SLC1A1: variants seen among roughly 807,000 people sequenced by gnomAD.
SLC1A1 encodes the protein excitatory amino acid transporter 3.
SLC1A1 carries 43 observed loss-of-function variants against 53.3 expected under a neutral mutation model. That is an observed-to-expected ratio of 0.81 (90% CI 0.63 to 1.04). The LOEUF is 1.04. SLC1A1 is among the 50% of genes least tolerant of loss of function. The probability of loss-of-function intolerance (pLI) is 0.00; values close to 1 mark genes in which losing one functional copy is unlikely to be tolerated. For synonymous variants in SLC1A1, 307 were observed against 243.2 expected (o/e 1.26, Z -2.44); for missense variants, 748 against 664.9 (o/e 1.12, Z -1.37).
rs10974619 is a variant in SLC1A1, at chr9:4,556,448, C to T, written c.233-5001C>T. 0.3 allele frequency among the ~76,000 whole-genome samples: 46,338 copies of T among 152,036 alleles called. 7,446 individuals are homozygous for T. The highest frequency in any genetic ancestry group is 0.37 in the Admixed American group (5,574 of 15,270). ...GCTTAGTTCATTCTCATTTATCACC[C>T]CCTATAGGACAGCTTTCAACTCCCA... On this transcript the variant is annotated intron_variant, in intron 2 of 11. Coordinates refer to ENST00000262352, the MANE Select transcript of SLC1A1 (RefSeq NM_004170.6). The surrounding 1 kb of genome is among the most constrained non-coding windows in gnomAD (Gnocchi z 4.1).
At chr9:4,548,110 G>A (rs1817633706) in intron 2 of SLC1A1, among the ~76,000 whole-genome samples, 1 of 152,094 alleles carries the variant, frequency 6.6e-6, no homozygotes, top group Non-Finnish European at 1.5e-5. Context: ...AAAGAGATGG[G>A]GATGGAGTCT....
chr9:4,502,686 C>G (rs898884078), intron 1 of SLC1A1, among the ~76,000 whole-genome samples: 2 of 151,700 alleles, frequency 1.3e-5, no homozygotes, highest in African/African-American at 4.9e-5. Flanking sequence ...GATTCCAAAG[C>G]TTAGGTTACT....
chr9:4,538,952 A>AT (rs1816786152), intron 1 of SLC1A1, among the ~76,000 whole-genome samples: 1 of 152,258 alleles, frequency 6.6e-6, no homozygotes, highest in African/African-American at 2.4e-5. Flanking sequence ...GCAAAAAGAC[A>AT]CATAATTAAT....
intron 3 of SLC1A1, among the ~76,000 whole-genome samples, chr9:4,562,042 G>C (rs920810272): frequency 6.7e-6 from 1 of 149,016 alleles, no homozygotes; most frequent in African/African-American, 2.5e-5. Context: ...ACCGGCATGA[G>C]CCACTGTGCC....
In SLC1A1 at chr9:4,583,062, C is replaced by T. The variant is rs1821252503; in HGVS notation, c.1218C>T (p.Ile406=). 4.3e-6 allele frequency: 7 copies of T among 1,614,226 alleles called. No individual in the cohort carries two copies. The highest frequency in any genetic ancestry group is 1.6e-4 in the Middle Eastern group (1 of 6,062). The part of the protein sequence containing the change: ...TISITATSAS[I]GAAGVPQAGL... Reference sequence around the variant, plus strand: ...GTATCACGGCCACATCTGCCAGCATCGGAGCTGCTGGCGTGCCCCAGGCTG... The same window carrying T: ...GTATCACGGCCACATCTGCCAGCATTGGAGCTGCTGGCGTGCCCCAGGCTG... Residue 406 remains isoleucine (I), a synonymous_variant, in exon 11 of 12, where the codon ATC becomes ATT. Coordinates refer to ENST00000262352, the MANE Select transcript of SLC1A1 (RefSeq NM_004170.6). The surrounding 1 kb of genome is among the most constrained non-coding windows in gnomAD (Gnocchi z 4.6).
intron 1 of SLC1A1, among the ~76,000 whole-genome samples, chr9:4,540,410 C>G (rs962763290): frequency 2.0e-5 from 3 of 152,172 alleles, no homozygotes; most frequent in African/African-American, 7.2e-5. Flanking sequence ...TGACCCTGTG[C>G]TCTCGGTAGA....
chr9:4,519,739 A>T (rs1403274419), intron 1 of SLC1A1, among the ~76,000 whole-genome samples: 1 of 152,168 alleles, frequency 6.6e-6, no homozygotes, highest in African/African-American at 2.4e-5. Context: ...AACTTATGTA[A>T]GGTCACACTG....
At position 4,549,711 on chromosome 9, in the gene SLC1A1, A is replaced by AC. The variant is rs377219964; in HGVS notation, c.232+5010dup. Reference sequence around the variant, plus strand: ...TTGTGGAATATCCACTTCAGAGAAAACCCCCCTCACGGCCACAGGGGGATA... The same window carrying AC: ...TTGTGGAATATCCACTTCAGAGAAAACCCCCCCTCACGGCCACAGGGGGATA... On this transcript the variant is annotated intron_variant, in intron 2 of 11. Coordinates refer to ENST00000262352, the MANE Select transcript of SLC1A1 (RefSeq NM_004170.6). This position sits in a 1 kb window ranked among gnomAD's most constrained non-coding sequence, Gnocchi z 4.1. Among the ~76,000 whole-genome samples, 63 of 151,696 alleles carry AC rather than the reference A, an allele frequency of 4.2e-4. No homozygotes were observed. Among genetic ancestry groups the AC allele is most frequent in the African/African-American group, 1.4e-3 (59 of 41,298 alleles).
intron 6 of SLC1A1, 150 bp downstream of exon 6, chr9:4,567,917 C>T (rs1179916672): frequency 1.4e-6 from 1 of 697,226 alleles, no homozygotes; most frequent in Non-Finnish European, 2.6e-6. Flanking sequence ...AAAATCCATA[C>T]TTAAGGGGCT....
chr9:4,542,505 T>A (rs1031806465), intron 1 of SLC1A1, among the ~76,000 whole-genome samples: 2 of 152,324 alleles, frequency 1.3e-5, no homozygotes, highest in African/African-American at 4.8e-5. Context: ...CACATGGGTT[T>A]CTCTTGCTAT....
chr9:4,508,387 C>T (rs1586696773), intron 1 of SLC1A1, among the ~76,000 whole-genome samples: 1 of 152,236 alleles, frequency 6.6e-6, no homozygotes, highest in African/African-American at 2.4e-5. Flanking sequence ...ATTCACCCAC[C>T]TGCTGGGCTC....
Position 4,583,880 on chromosome 9 carries a change from T to TCTCTCTCTCTCTCA in SLC1A1, c.1328+711_1328+712insTCTCTCTCTCACTC, listed in dbSNP as rs1271066004. Among the ~76,000 whole-genome samples, 8 of 131,662 alleles carry TCTCTCTCTCTCTCA rather than the reference T, an allele frequency of 6.1e-5. No individual in the cohort carries two copies. The highest frequency in any genetic ancestry group is 2.1e-4 in the East Asian group (1 of 4,702). The allele number at this position is 131,662 out of a possible 152,430, so 86.4% of individuals were successfully genotyped here. On this transcript the variant is annotated intron_variant, in intron 11 of 11. Coordinates refer to ENST00000262352, the MANE Select transcript of SLC1A1 (RefSeq NM_004170.6). The surrounding 1 kb of genome is among the most constrained non-coding windows in gnomAD (Gnocchi z 4.6). ...CTCTCTCTCTCTCTCTCTCTCTCTC[T>TCTCTCTCTCTCTCA]CTCACACACACACACACACACACAC...
chr9:4,501,444 G>A (rs975015251), intron 1 of SLC1A1, among the ~76,000 whole-genome samples: 2 of 151,494 alleles, frequency 1.3e-5, no homozygotes, highest in Non-Finnish European at 2.9e-5. Flanking sequence ...CAACTATTTG[G>A]GTATAACACT....
chr9:4,560,165 A>C (rs1421326897), intron 2 of SLC1A1: 1 of 152,274 alleles, frequency 6.6e-6, no homozygotes, highest in African/African-American at 2.4e-5. Context: ...GATGTCTCAC[A>C]ATAAAAGCTA....
chr9:4,528,311 G>A (rs1010835975), intron 1 of SLC1A1, among the ~76,000 whole-genome samples: 4 of 152,188 alleles, frequency 2.6e-5, no homozygotes, highest in South Asian at 2.1e-4. Flanking sequence ...AGTGGCTCAT[G>A]CCTGTAATCC....
At chr9:4,505,725 T>C (rs2130806159) in intron 1 of SLC1A1, among the ~76,000 whole-genome samples, 1 of 152,288 alleles carries the variant, frequency 6.6e-6, no homozygotes, top group African/African-American at 2.4e-5. Context: ...GGCATGATCT[T>C]GGCTCACTTC....
At chr9:4,582,952 G>T in intron 10 of SLC1A1, 86 bp from the exon 11 acceptor site, 1 of 1,542,936 alleles carries the variant, frequency 6.5e-7, no homozygotes. Context: ...TAGCCATCGG[G>T]ACTAAGCGGG....
At chr9:4,575,141 A>C (rs1425876899) in intron 8 of SLC1A1, among the ~76,000 whole-genome samples, 1 of 152,174 alleles carries the variant, frequency 6.6e-6, no homozygotes, top group Non-Finnish European at 1.5e-5. Context: ...TCAGTTCCTC[A>C]TGGTTTTTAG....
rs1821619514 is a variant in SLC1A1, at chr9:4,587,058, T to C, written c.*1500T>C. The C allele has an allele frequency of 6.6e-6, 1 of 152,618 alleles. No individual in the cohort carries two copies. Among genetic ancestry groups the C allele is most frequent in the African/African-American group, 2.4e-5 (1 of 41,448 alleles). The allele number at this position is 152,618 out of a possible 1,614,324, so 9.5% of individuals were successfully genotyped here. On this transcript the variant is annotated 3_prime_UTR_variant, in exon 12 of 12. Coordinates refer to ENST00000262352, the MANE Select transcript of SLC1A1 (RefSeq NM_004170.6). ...TCTGTAGCCAACTTAAACCTGTGCT[T>C]TCATGTTTAAGAAATGAGAAATTGT...
Sources: allele counts gnomAD v4.1 joint callset (sites outside exome capture counted in the v4.1 genomes callset), GRCh38; gene constraint gnomAD v4.1.1; non-coding constraint Gnocchi (gnomAD v3.1); transcripts MANE v1.5; gene names NCBI Gene and HGNC (gene_info 2026-07-23, HGNC 2026-07-21).